Variants in ABR observed in about 807,000 individuals in gnomAD.
The protein encoded by ABR is active breakpoint cluster region-related protein.
A neutral mutation model predicts 107.2 loss-of-function variants in ABR; 35 were observed. That is an observed-to-expected ratio of 0.33 (90% CI 0.25 to 0.43). ABR has a LOEUF of 0.43. Among genes scored for constraint, ABR ranks in the 20% least tolerant of loss-of-function variants. The pLI is 1.00. For missense variants in ABR, 815 were observed against 1,115.2 expected (o/e 0.73, Z 3.83); for synonymous variants, 498 against 462.0 (o/e 1.08, Z -1.00).
At chr17:1,014,793 C>T (rs149220247) in intron 16 of ABR, among the ~76,000 whole-genome samples, 1,880 of 151,978 alleles carry the variant, frequency 0.012, 47 homozygotes, top group African/African-American at 0.042. Context: ...TTGCAGTGAG[C>T]GGAGATCACA....
chr17:1,127,309 C>T (rs1353126169), intron 1 of ABR, among the ~76,000 whole-genome samples: 4 of 152,170 alleles, frequency 2.6e-5, no homozygotes, highest in South Asian at 4.2e-4. Flanking sequence ...GACGCGTGTA[C>T]GCCACGTACC....
At chr17:1,228,112 T>G (rs2043256372) in intron 1 of ABR, 1 of 152,234 alleles carries the variant, frequency 6.6e-6, no homozygotes, top group Non-Finnish European at 1.5e-5. Flanking sequence ...AGACATGGTC[T>G]CTGGGCACCA....
chr17:1,194,169 G>GTTTT (rs796341461), intron 1 of ABR, among the ~76,000 whole-genome samples: 1 of 150,732 alleles, frequency 6.6e-6, no homozygotes, highest in Non-Finnish European at 1.5e-5. Flanking sequence ...TGTTTCCTTT[G>GTTTT]TTTTTTTTTA....
chr17:1,202,964 A>G (rs1479855408), intron 1 of ABR, among the ~76,000 whole-genome samples: 1 of 147,128 alleles, frequency 6.8e-6, no homozygotes, highest in Non-Finnish European at 1.5e-5. Context: ...TCGGTTCACT[A>G]CAACCTCCGC....
chr17:1,130,571 C>CT (rs1265104053), intron 1 of ABR, among the ~76,000 whole-genome samples: 1 of 152,196 alleles, frequency 6.6e-6, no homozygotes, highest in African/African-American at 2.4e-5. Context: ...CATCGGACTC[C>CT]TTCTAGCTCC....
intron 6 of ABR, among the ~76,000 whole-genome samples, chr17:1,075,755 C>T (rs1027375923): frequency 3.3e-5 from 5 of 152,172 alleles, no homozygotes; most frequent in East Asian, 1.9e-4. Context: ...AATATAGAGA[C>T]GAGGGGCCGG....
At chr17:1,080,091 G>A (rs1047048153) in intron 5 of ABR, among the ~76,000 whole-genome samples, 2 of 152,134 alleles carry the variant, frequency 1.3e-5, no homozygotes, top group African/African-American at 4.8e-5. Flanking sequence ...TTTAGGGCAT[G>A]AGGAACCCAT....
intron 1 of ABR, among the ~76,000 whole-genome samples, chr17:1,198,384 C>G (rs1364656191): frequency 6.6e-6 from 1 of 151,570 alleles, no homozygotes. Context: ...ACAAGGAGAG[C>G]TTGGCCTGAG....
intron 16 of ABR, among the ~76,000 whole-genome samples, chr17:1,013,425 G>A (rs113663128): frequency 0.022 from 3,277 of 149,972 alleles, 44 homozygotes; most frequent in Middle Eastern, 0.059. Flanking sequence ...CCCGCCGTGG[G>A]GGAGGCAGGG....
intron 1 of ABR, among the ~76,000 whole-genome samples, chr17:1,143,470 T>G (rs868834582): frequency 1.2e-4 from 5 of 41,250 alleles, no homozygotes; most frequent in South Asian, 2.3e-3. Flanking sequence ...GGGCAGCTCA[T>G]TCCTGGGGGG....
rs535496179 is a variant in ABR at position 1,030,873 on chromosome 17, A to T, written c.1792-17709T>A. Among the ~76,000 whole-genome samples, 3 of 152,340 alleles carry T rather than the reference A, an allele frequency of 2.0e-5. 1 individual carries two copies. Among genetic ancestry groups the T allele is most frequent in the Admixed American group, 2.0e-4 (3 of 15,306 alleles). The stretch of plus-strand genomic sequence containing the variant: ...GTTGATTTGATCTGCAGAGTTATCG[A>T]GCACTTCCTGTGCGCTGGGCGCTGG... On this transcript the variant is annotated intron_variant, in intron 16 of 22. Transcript: ENST00000302538.
chr17:1,080,071 C>G (rs1349986117), intron 5 of ABR, among the ~76,000 whole-genome samples: 3 of 152,068 alleles, frequency 2.0e-5, no homozygotes, highest in Non-Finnish European at 4.4e-5. Context: ...GCCAGGTACT[C>G]CAGCCAATCT....
intron 1 of ABR, among the ~76,000 whole-genome samples, chr17:1,149,899 C>G (rs2151526034): frequency 6.6e-6 from 1 of 152,302 alleles, no homozygotes; most frequent in East Asian, 1.9e-4. Context: ...CTTTAGTGTC[C>G]TCATTTGTCA....
intron 4 of ABR, among the ~76,000 whole-genome samples, chr17:1,086,502 CTTTT>C (rs11288862): frequency 6.4e-5 from 9 of 140,570 alleles, no homozygotes; most frequent in African/African-American, 1.6e-4. Flanking sequence ...TACTTATACA[CTTTT>C]TTTTTTTTTT....
At chr17:1,044,639 A>G (rs1372449104) in intron 16 of ABR, among the ~76,000 whole-genome samples, 2 of 132,460 alleles carry the variant, frequency 1.5e-5, no homozygotes, top group African/African-American at 5.6e-5. Context: ...CAGCACAGCA[A>G]GACCCCATCT....
chr17:1,214,128 A>C (rs1332443311), intron 1 of ABR, among the ~76,000 whole-genome samples: 1 of 151,596 alleles, frequency 6.6e-6, no homozygotes, highest in Non-Finnish European at 1.5e-5. Flanking sequence ...CTTGTGATCC[A>C]CCCGCCTCGG....
At chr17:1,085,181 C>T (rs2036515738) in intron 4 of ABR, among the ~76,000 whole-genome samples, 2 of 145,444 alleles carry the variant, frequency 1.4e-5, no homozygotes, top group Non-Finnish European at 3.0e-5. Flanking sequence ...GATGCCATCT[C>T]GGCTCACTAC....
At chr17:1,062,616 CTGT>C (rs375890191) in intron 10 of ABR, among the ~76,000 whole-genome samples, 325 of 119,102 alleles carry the variant, frequency 2.7e-3, no homozygotes, top group African/African-American at 0.01. Context: ...CCTCTAGACA[CTGT>C]TGTTATGTGA....
chr17:1,122,689 G>A (rs180773778), intron 2 of ABR, among the ~76,000 whole-genome samples: 24 of 152,208 alleles, frequency 1.6e-4, no homozygotes, highest in African/African-American at 5.6e-4. Context: ...ATTGACTGCA[G>A]AGATTAGGAC....
Sources: allele counts gnomAD v4.1 joint callset (sites outside exome capture counted in the v4.1 genomes callset), GRCh38; gene constraint gnomAD v4.1.1; transcripts MANE v1.5; gene names NCBI Gene and HGNC (gene_info 2026-07-23, HGNC 2026-07-21).